Variants in DERA observed in about 807,000 individuals in gnomAD.
DERA encodes 2-deoxy-D-ribose 5-phosphate aldolase.
A neutral mutation model predicts 41.1 loss-of-function variants in DERA; 15 were observed. The observed-to-expected ratio is 0.37, with a 90% CI of 0.24 to 0.56. DERA has a LOEUF of 0.56. Ranked by LOEUF, DERA falls within the 20% of genes least tolerant of loss-of-function variation. The pLI, the probability that DERA is intolerant of heterozygous loss-of-function variation, is 0.81. For missense variants in DERA, 396 were observed against 403.4 expected, an observed-to-expected ratio of 0.98 and a Z score of 0.16; for synonymous variants, 139 against 137.4, an observed-to-expected ratio of 1.01 and a Z score of -0.08.
At chr12:15,945,696 T>C (rs925466873) in intron 1 of DERA, among the ~76,000 whole-genome samples, 1 of 152,220 alleles carries the variant, frequency 6.6e-6, no homozygotes, top group African/African-American at 2.4e-5. Flanking sequence ...ACTTCCTCTT[T>C]TTCTAATTGA....
intron 1 of DERA, among the ~76,000 whole-genome samples, chr12:15,948,087 G>A (rs1377869038): frequency 6.6e-6 from 1 of 152,114 alleles, no homozygotes; most frequent in African/African-American, 2.4e-5. Flanking sequence ...TTGTCTGATG[G>A]GCTTCCCTTT....
intron 1 of DERA, among the ~76,000 whole-genome samples, chr12:15,929,359 G>A (rs1948310871): frequency 6.6e-6 from 1 of 152,192 alleles, no homozygotes; most frequent in African/African-American, 2.4e-5. Context: ...GCAGTGTTTT[G>A]AATCAGCACC....
In DERA at chr12:15,962,714, A is replaced by G. The variant is rs1052737280; in HGVS notation, c.374-99A>G. On this transcript the variant is annotated intron_variant, in intron 4 of 8. Coordinates refer to ENST00000428559, the MANE Select transcript of DERA (RefSeq NM_015954.4). ...GGGGTTTGGAATTCTTTGATGAACT[A>G]CTACTGACCAATTGAAATTTGTTTT... 4 of 965,368 alleles carry G rather than the reference A, an allele frequency of 4.1e-6. No homozygotes were observed. The African/African-American group carries it at 5.0e-5, about 12-fold the overall frequency. 59.8% of individuals were successfully genotyped at this position (965,368 alleles called of 1,614,324 possible).
intron 6 of DERA, among the ~76,000 whole-genome samples, chr12:16,007,040 T>C (rs1253510685): frequency 6.6e-6 from 1 of 152,232 alleles, no homozygotes; most frequent in Non-Finnish European, 1.5e-5. Context: ...TAGTAAGTGC[T>C]AGATAAGTGT....
rs2136127365 is a variant in DERA at position 15,926,113 on chromosome 12, G to A, written c.31+14699G>A. Among the ~76,000 whole-genome samples the A allele has an allele frequency of 2.0e-5, 3 of 152,054 alleles. No individual in the cohort carries two copies. In the South Asian group the frequency reaches 6.2e-4, roughly 32 times the overall value. ...GCTGGGATTATAGGCGTGAGCCACT[G>A]TACCTGGTCAACTCCTGAGGCTTTT... On this transcript the variant is annotated intron_variant, in intron 1 of 8. Coordinates refer to ENST00000428559, the MANE Select transcript of DERA (RefSeq NM_015954.4).
rs1003118913 is a variant in DERA at position 15,931,639 on chromosome 12, T to G, written c.31+20225T>G. On this transcript the variant is annotated intron_variant, in intron 1 of 8. Transcript: ENST00000428559. The surrounding 1 kb of genome is among the most constrained non-coding windows in gnomAD (Gnocchi z 4.6). ...GAGCATGCTATGGTTTGGATGTGGT[T>G]TGTCTACACTAAAGCTGATGTTCAA... Among the ~76,000 whole-genome samples, 3 of 152,202 alleles carry G rather than the reference T, an allele frequency of 2.0e-5. No homozygotes were observed. Among genetic ancestry groups the G allele is most frequent in the African/African-American group, 7.2e-5 (3 of 41,454 alleles).
intron 6 of DERA, among the ~76,000 whole-genome samples, chr12:15,997,588 G>A (rs11831796): frequency 0.065 from 9,946 of 152,174 alleles, 1,046 homozygotes; most frequent in African/African-American, 0.22. Flanking sequence ...GTATGCAAAA[G>A]AGTCATTGTT....
In DERA at chr12:16,035,617, T is replaced by C. The variant is rs1481329533; in HGVS notation, c.751-615T>C. On this transcript the variant is annotated intron_variant, in intron 7 of 8. Transcript: ENST00000428559. The surrounding 1 kb of genome is among the most constrained non-coding windows in gnomAD (Gnocchi z 4.1). ...GGAGCCCCTCACGGTGTTTTTCTAC[T>C]GCCCTTATGTAACTGGTCTGCCAGC... Among the ~76,000 whole-genome samples, 1 of 152,234 alleles carries C rather than the reference T, an allele frequency of 6.6e-6. No individual in the cohort carries two copies. The highest frequency in any genetic ancestry group is 2.4e-5 in the African/African-American group (1 of 41,462).
chr12:15,929,445 A>G (rs1341090475), intron 1 of DERA, among the ~76,000 whole-genome samples: 2 of 152,190 alleles, frequency 1.3e-5, no homozygotes, highest in Admixed American at 1.3e-4. Context: ...ACTGTGCTCC[A>G]TAATGTAGCG....
chr12:15,994,406 CTTGGTTATTT>C lies in DERA; in HGVS notation c.637+11971_637+11980del, dbSNP rs1409463096. ...ATCTGTAATTCCTAGCATATTAACTCTTGGTTATTTATTCCTTAATATCTGTGCCACGTGG... is the reference window on the plus strand; with the variant it reads ...ATCTGTAATTCCTAGCATATTAACTCATTCCTTAATATCTGTGCCACGTGG... On this transcript the variant is annotated intron_variant, in intron 6 of 8. Transcript: ENST00000428559. This position sits in a 1 kb window ranked among gnomAD's most constrained non-coding sequence, Gnocchi z 4.8. Among the ~76,000 whole-genome samples, 1 of 152,180 alleles carries C rather than the reference CTTGGTTATTT, an allele frequency of 6.6e-6. No individual in the cohort carries two copies. Among genetic ancestry groups the C allele is most frequent in the Non-Finnish European group, 1.5e-5 (1 of 68,036 alleles).
Position 15,936,766 on chromosome 12 carries a change from T to G in DERA, c.32-20170T>G, listed in dbSNP as rs912807764. 2.0e-5 allele frequency among the ~76,000 whole-genome samples: 3 copies of G among 152,198 alleles called. No homozygotes were observed. Among genetic ancestry groups the G allele is most frequent in the Non-Finnish European group, 4.4e-5 (3 of 68,038 alleles). On this transcript the variant is annotated intron_variant, in intron 1 of 8. Transcript: ENST00000428559. The surrounding 1 kb of genome is among the most constrained non-coding windows in gnomAD (Gnocchi z 4.6). ...TAGTATCATTATACTGGGTTATGTT[T>G]TGTGTAGATTGTCTCACCACCCGGA...
At chr12:15,964,924 A>T (rs1948612556) in intron 5 of DERA, among the ~76,000 whole-genome samples, 1 of 152,356 alleles carries the variant, frequency 6.6e-6, no homozygotes, top group African/African-American at 2.4e-5. Flanking sequence ...TGCAAAATGT[A>T]ATGACAGATC....
At position 15,954,130 on chromosome 12, in the gene DERA, G is replaced by C. The variant is rs140708849; in HGVS notation, c.32-2806G>C. On this transcript the variant is annotated intron_variant, in intron 1 of 8. Coordinates refer to ENST00000428559, the MANE Select transcript of DERA (RefSeq NM_015954.4). This position sits in a 1 kb window ranked among gnomAD's most constrained non-coding sequence, Gnocchi z 4.0. Reference sequence around the variant, plus strand: ...GTGTACTCAAAATTGGTTTTTAAGGGGAAAGTTCCCAGGCATCCCATTCAT... The same window carrying C: ...GTGTACTCAAAATTGGTTTTTAAGGCGAAAGTTCCCAGGCATCCCATTCAT... 6.6e-5 allele frequency among the ~76,000 whole-genome samples: 10 copies of C among 152,190 alleles called. No individual in the cohort carries two copies. In the East Asian group the frequency reaches 1.9e-3, roughly 29 times the overall value.
intron 6 of DERA, among the ~76,000 whole-genome samples, chr12:15,997,139 A>G (rs180934558): frequency 7.8e-4 from 119 of 152,306 alleles, no homozygotes; most frequent in Non-Finnish European, 7.3e-5. Context: ...TCCAAGACAG[A>G]GTGAGTAATA....
Position 16,032,604 on chromosome 12 carries a change from A to T in DERA, c.700A>T (p.Ile234Leu). The stretch of plus-strand genomic sequence containing the variant: ...AGTAAATGCCACCTTCCCGGTAGCT[A>T]TAGTAATGCTGCGGGCCATTAGAGA... Reference protein sequence around the residue: ...ETVNATFPVAIVMLRAIRDFF... With the variant: ...ETVNATFPVALVMLRAIRDFF... The change falls in exon 7 of 9, where the codon ATA becomes TTA. Residue 234 changes from isoleucine (I) to leucine (L), a missense_variant. Ile to Leu is a conservative substitution (Grantham distance 5). Transcript: ENST00000428559. The T allele has an allele frequency of 6.4e-7, 1 of 1,568,888 alleles. No individual in the cohort carries two copies. Among genetic ancestry groups the T allele is most frequent in the South Asian group, 1.2e-5 (1 of 84,836 alleles).
chr12:16,016,594 G>A (rs182339447), intron 6 of DERA, among the ~76,000 whole-genome samples: 1 of 152,006 alleles, frequency 6.6e-6, no homozygotes, highest in East Asian at 1.9e-4. Context: ...GAGCTCAGGA[G>A]TTCGAGACCA....
chr12:15,991,886 AT>A (rs2136168019), intron 6 of DERA, among the ~76,000 whole-genome samples: 2 of 152,260 alleles, frequency 1.3e-5, no homozygotes, highest in African/African-American at 4.8e-5. Context: ...TCTCTCTGTT[AT>A]AGCTTTGTCC....
chr12:15,950,338 G>A (rs925624888), intron 1 of DERA, among the ~76,000 whole-genome samples: 2 of 152,192 alleles, frequency 1.3e-5, no homozygotes, highest in Non-Finnish European at 2.9e-5. Context: ...TCCTGATGTT[G>A]CCATGGCATT....
rs529300645 is a variant in DERA at position 15,947,256 on chromosome 12, T to G, written c.32-9680T>G. ...TGCAGAGATTAGTTCAATTCCTGGATATCCTTGTTAACTTTCTGTCTCGTT... is the reference window on the plus strand; with the variant it reads ...TGCAGAGATTAGTTCAATTCCTGGAGATCCTTGTTAACTTTCTGTCTCGTT... On this transcript the variant is annotated intron_variant, in intron 1 of 8. Coordinates refer to ENST00000428559, the MANE Select transcript of DERA (RefSeq NM_015954.4). 2.0e-4 allele frequency among the ~76,000 whole-genome samples: 30 copies of G among 152,314 alleles called. No individual in the cohort carries two copies. In the South Asian group the frequency reaches 6.2e-3, roughly 32 times the overall value.
Sources: allele counts gnomAD v4.1 joint callset (sites outside exome capture counted in the v4.1 genomes callset), GRCh38; gene constraint gnomAD v4.1.1; non-coding constraint Gnocchi (gnomAD v3.1); transcripts MANE v1.5; gene names NCBI Gene and HGNC (gene_info 2026-07-23, HGNC 2026-07-21).